PRR16: variants seen among roughly 807,000 people sequenced by gnomAD.
The protein encoded by PRR16 is proline rich 16, also known as protein Largen.
Under a neutral mutation model 18.2 loss-of-function variants are expected in PRR16, and 6 were observed. That is an observed-to-expected ratio of 0.33 (90% CI 0.18 to 0.65). PRR16 has a LOEUF of 0.65. PRR16 is among the 30% of genes least tolerant of loss of function. PRR16 has a pLI of 0.74. For synonymous variants in PRR16, 151 were observed against 147.8 expected, an observed-to-expected ratio of 1.02 and a Z score of -0.16; for missense variants, 412 against 376.6, an observed-to-expected ratio of 1.09 and a Z score of -0.78.
chr5:120,581,406 CTCT>C (rs1315409000), intron 1 of PRR16, among the ~76,000 whole-genome samples: 1 of 152,082 alleles, frequency 6.6e-6, no homozygotes, highest in Non-Finnish European at 1.5e-5. Context: ...TGATTCTTCT[CTCT>C]TCTTCTTTAA....
At chr5:120,572,428 T>G (rs1156501325) in intron 1 of PRR16, among the ~76,000 whole-genome samples, 1 of 152,166 alleles carries the variant, frequency 6.6e-6, no homozygotes, top group Non-Finnish European at 1.5e-5. Context: ...TTTCAACAAC[T>G]GGAGGAACTA....
intron 1 of PRR16, among the ~76,000 whole-genome samples, chr5:120,585,470 A>G (rs1284663551): frequency 6.6e-6 from 1 of 151,966 alleles, no homozygotes; most frequent in Non-Finnish European, 1.5e-5. Flanking sequence ...ATTATATTAT[A>G]TTACACAGGC....
At chr5:120,479,034 T>C (rs564884427) in intron 1 of PRR16, among the ~76,000 whole-genome samples, 1 of 152,248 alleles carries the variant, frequency 6.6e-6, no homozygotes, top group East Asian at 1.9e-4. Flanking sequence ...AATTAGGTAA[T>C]ATCACTCTGG....
chr5:120,712,715 C>T, the PRR16 span, among the ~76,000 whole-genome samples: 2 of 152,030 alleles, frequency 1.3e-5, no homozygotes, highest in African/African-American at 2.4e-5. Flanking sequence ...TGAAAAGGTG[C>T]TCAACATCAC....
the PRR16 span, among the ~76,000 whole-genome samples, chr5:120,732,873 G>A: frequency 6.6e-6 from 1 of 152,140 alleles, no homozygotes; most frequent in South Asian, 2.1e-4. Context: ...TTTAATTAGG[G>A]AAAATCAGAT....
chr5:120,597,416 G>A (rs552836774), intron 1 of PRR16, among the ~76,000 whole-genome samples: 6 of 151,518 alleles, frequency 4.0e-5, no homozygotes, highest in Admixed American at 3.3e-4. Flanking sequence ...AATTTTTTGT[G>A]TATTAATGTT....
intron 1 of PRR16, among the ~76,000 whole-genome samples, chr5:120,564,642 G>A (rs186938446): frequency 7.9e-4 from 121 of 152,264 alleles, no homozygotes; most frequent in African/African-American, 2.8e-3. Context: ...TGGAAAGGTG[G>A]TGTCAGTGAT....
chr5:120,548,399 T>C (rs904013649), intron 1 of PRR16, among the ~76,000 whole-genome samples: 3 of 152,106 alleles, frequency 2.0e-5, no homozygotes, highest in Non-Finnish European at 2.9e-5. Context: ...TTACAGTTCT[T>C]TGAGCAAATT....
At chr5:120,594,619 T>G (rs147647899) in intron 1 of PRR16, among the ~76,000 whole-genome samples, 3 of 152,168 alleles carry the variant, frequency 2.0e-5, no homozygotes, top group African/African-American at 7.2e-5. Flanking sequence ...TTAAAATTCA[T>G]AAAGAACAGA....
intron 1 of PRR16, among the ~76,000 whole-genome samples, chr5:120,576,096 C>T (rs1448090987): frequency 1.3e-5 from 2 of 152,086 alleles, no homozygotes; most frequent in East Asian, 3.9e-4. Context: ...GACATGATTC[C>T]ATGACATTGG....
chr5:120,715,549 T>C, the PRR16 span, among the ~76,000 whole-genome samples: 1 of 152,214 alleles, frequency 6.6e-6, no homozygotes. Context: ...CTATTGTGTG[T>C]TAACAAACTC....
intron 1 of PRR16, among the ~76,000 whole-genome samples, chr5:120,607,649 C>G (rs2112799706): frequency 6.6e-6 from 1 of 151,966 alleles, no homozygotes; most frequent in East Asian, 1.9e-4. Context: ...ATAGCAATTT[C>G]CTACCAGAGC....
At chr5:120,738,095 A>T in the PRR16 span, among the ~76,000 whole-genome samples, 109 of 151,952 alleles carry the variant, frequency 7.2e-4, 2 homozygotes, top group South Asian at 0.022. Flanking sequence ...AGTAGTATAA[A>T]GAATCATAAG....
chr5:120,555,960 A>C (rs1226590617), intron 1 of PRR16, among the ~76,000 whole-genome samples: 1 of 151,816 alleles, frequency 6.6e-6, no homozygotes, highest in Non-Finnish European at 1.5e-5. Context: ...ATTTCCATGG[A>C]CAGAAGTTGT....
intron 1 of PRR16, among the ~76,000 whole-genome samples, chr5:120,519,042 G>T (rs915714028): frequency 6.6e-6 from 1 of 151,958 alleles, no homozygotes; most frequent in Admixed American, 6.6e-5. Context: ...ATAAGCCTAC[G>T]ATTGAACCTT....
At chr5:120,533,252 C>T (rs938713740) in intron 1 of PRR16, among the ~76,000 whole-genome samples, 3 of 152,254 alleles carry the variant, frequency 2.0e-5, no homozygotes, top group African/African-American at 7.2e-5. Flanking sequence ...TAATCTTCCA[C>T]AAGAAATATT....
intron 1 of PRR16, among the ~76,000 whole-genome samples, chr5:120,472,119 T>C (rs1016105801): frequency 2.0e-5 from 3 of 152,144 alleles, no homozygotes; most frequent in African/African-American, 7.2e-5. Context: ...TGTAGAATAA[T>C]TGAAGTTAGG....
chr5:120,495,008 C>G (rs1458904229), intron 1 of PRR16, among the ~76,000 whole-genome samples: 1 of 152,068 alleles, frequency 6.6e-6, no homozygotes, highest in Non-Finnish European at 1.5e-5. Flanking sequence ...AGTCTTGAAA[C>G]TGTATAGATT....
intron 1 of PRR16, among the ~76,000 whole-genome samples, chr5:120,465,098 C>G (rs980348832): frequency 1.1e-4 from 17 of 152,102 alleles, no homozygotes; most frequent in Admixed American, 9.2e-4. Context: ...GGGCCGGGTT[C>G]TGGGCCCTGG....
Sources: gnomAD v4.1 joint callset for allele counts (sites outside exome capture counted in the v4.1 genomes callset) on GRCh38, gnomAD v4.1.1 for gene constraint, MANE v1.5 for transcripts, NCBI Gene and HGNC (gene_info 2026-07-23, HGNC 2026-07-21) for gene names.